Variants in ROBO1 observed in about 807,000 individuals in gnomAD.
The protein encoded by ROBO1 is roundabout guidance receptor 1, also known as roundabout homolog 1.
A neutral mutation model predicts 195.9 loss-of-function variants in ROBO1; 149 were observed. That is an observed-to-expected ratio of 0.76 (90% CI 0.67 to 0.87). The LOEUF is 0.87. Ranked by LOEUF, ROBO1 falls within the 40% of genes least tolerant of loss-of-function variation. The pLI, the probability that ROBO1 is intolerant of heterozygous loss-of-function variation, is 0.00. For missense variants in ROBO1, 1,933 were observed against 2,068.3 expected, an observed-to-expected ratio of 0.93 and a Z score of 1.27; for synonymous variants, 816 against 733.2, an observed-to-expected ratio of 1.11 and a Z score of -1.82.
chr3:79,557,985 A>G (rs1942774663), intron 2 of ROBO1, among the ~76,000 whole-genome samples: 3 of 151,976 alleles, frequency 2.0e-5, no homozygotes, highest in African/African-American at 7.3e-5. Flanking sequence ...GCCTCCAGTT[A>G]ATGTTTGTTT....
Position 78,741,826 on chromosome 3 carries a change from T to C in ROBO1, c.657+4917A>G, listed in dbSNP as rs187621907. 7.2e-5 allele frequency among the ~76,000 whole-genome samples: 11 copies of C among 152,278 alleles called. 1 individual carries two copies. The highest frequency in any genetic ancestry group is 6.5e-4 in the Admixed American group (10 of 15,298). On this transcript the variant is annotated intron_variant, in intron 5 of 30. Coordinates refer to ENST00000464233, the MANE Select transcript of ROBO1 (RefSeq NM_002941.4). ...TTCTGACTCTAAATATAAATACTAA[T>C]GTCTAGAAAAGAAAGAACACTAGAG...
intron 2 of ROBO1, among the ~76,000 whole-genome samples, chr3:79,451,622 G>T (rs777488589): frequency 6.6e-6 from 1 of 152,096 alleles, no homozygotes; most frequent in African/African-American, 2.4e-5. Context: ...CACTGCAGCT[G>T]TGTTTAGTTT....
rs3773228 is a variant in ROBO1, at chr3:78,688,242, G to A, written c.1170+406C>T. Among the ~76,000 whole-genome samples the A allele has an allele frequency of 9.8e-3, 1,496 of 152,222 alleles. 72 individuals are homozygous for A. The East Asian group carries it at 0.17, about 17-fold the overall frequency. On this transcript the variant is annotated intron_variant, in intron 9 of 30. Coordinates refer to ENST00000464233, the MANE Select transcript of ROBO1 (RefSeq NM_002941.4). ...GCTTAATGATTCAGAAGGCAATTTA[G>A]ACTCCTGAAGCTTTCAAAGAAATCA...
intron 2 of ROBO1, among the ~76,000 whole-genome samples, chr3:79,239,829 A>G (rs1329084238): frequency 6.6e-6 from 1 of 152,188 alleles, no homozygotes; most frequent in Non-Finnish European, 1.5e-5. Context: ...TATCTAATGT[A>G]TATGTAATTA....
chr3:79,479,084 T>C (rs1426245384), intron 2 of ROBO1, among the ~76,000 whole-genome samples: 2 of 152,208 alleles, frequency 1.3e-5, no homozygotes, highest in South Asian at 2.1e-4. Context: ...CTTTTTAGCA[T>C]AGGCTCTAAG....
intron 2 of ROBO1, among the ~76,000 whole-genome samples, chr3:79,291,081 A>G (rs1286330661): frequency 6.6e-6 from 1 of 152,168 alleles, no homozygotes; most frequent in Non-Finnish European, 1.5e-5. Context: ...AACTAAATTA[A>G]TGTCCTCAAT....
intron 4 of ROBO1, among the ~76,000 whole-genome samples, chr3:78,791,836 G>A (rs1022016154): frequency 2.6e-5 from 4 of 152,128 alleles, no homozygotes; most frequent in African/African-American, 9.7e-5. Context: ...GATAATCATC[G>A]ATATCCAGTG....
At chr3:79,753,146 C>A (rs1429883485) in intron 1 of ROBO1, among the ~76,000 whole-genome samples, 1 of 152,108 alleles carries the variant, frequency 6.6e-6, no homozygotes, top group East Asian at 1.9e-4. Flanking sequence ...TGAGTACCAT[C>A]AAAATATTTA....
intron 1 of ROBO1, among the ~76,000 whole-genome samples, chr3:79,593,857 T>G (rs1944079997): frequency 6.6e-6 from 1 of 152,028 alleles, no homozygotes. Flanking sequence ...GCACAAGGGA[T>G]CTGCCCGCTT....
intron 2 of ROBO1, among the ~76,000 whole-genome samples, chr3:79,331,939 G>A (rs932837004): frequency 6.6e-6 from 1 of 151,994 alleles, no homozygotes; most frequent in Admixed American, 6.6e-5. Context: ...TCAGGAGATC[G>A]AGACCATCCT....
chr3:79,281,966 C>A (rs866275686), intron 2 of ROBO1, among the ~76,000 whole-genome samples: 8 of 152,028 alleles, frequency 5.3e-5, no homozygotes, highest in African/African-American at 1.9e-4. Flanking sequence ...ATTATTTATT[C>A]AAAATGTATT....
chr3:79,750,140 A>T (rs1704068143), intron 1 of ROBO1, among the ~76,000 whole-genome samples: 1 of 152,238 alleles, frequency 6.6e-6, no homozygotes, highest in Non-Finnish European at 1.5e-5. Context: ...CATGGAGTCA[A>T]AGGAGATCAT....
At chr3:79,764,953 A>G (rs1704905319) in intron 1 of ROBO1, among the ~76,000 whole-genome samples, 1 of 152,162 alleles carries the variant, frequency 6.6e-6, no homozygotes, top group Admixed American at 6.5e-5. Context: ...CCCTCCTCCC[A>G]TGCTCAGCTC....
At chr3:79,606,685 T>C (rs2107895158) in intron 1 of ROBO1, among the ~76,000 whole-genome samples, 1 of 152,142 alleles carries the variant, frequency 6.6e-6, no homozygotes, top group Admixed American at 6.6e-5. Flanking sequence ...GACATATAAA[T>C]AGACCAGTGG....
At chr3:79,027,151 A>T (rs1576586882) in intron 3 of ROBO1, among the ~76,000 whole-genome samples, 1 of 152,094 alleles carries the variant, frequency 6.6e-6, no homozygotes, top group Non-Finnish European at 1.5e-5. Flanking sequence ...TTGGCATTTC[A>T]TCTAACTATC....
At chr3:79,041,221 G>A (rs374534062) in intron 3 of ROBO1, among the ~76,000 whole-genome samples, 3 of 152,100 alleles carry the variant, frequency 2.0e-5, no homozygotes, top group East Asian at 3.9e-4. Flanking sequence ...TATAGCACTC[G>A]TCATACTTCC....
chr3:79,512,195 T>C, intron 2 of ROBO1, among the ~76,000 whole-genome samples: 1 of 151,986 alleles, frequency 6.6e-6, no homozygotes, highest in African/African-American at 2.4e-5. Context: ...TCACATAGAA[T>C]TATTAAAAAG....
At chr3:78,788,040 C>T (rs901390498) in intron 4 of ROBO1, among the ~76,000 whole-genome samples, 5 of 150,098 alleles carry the variant, frequency 3.3e-5, no homozygotes, top group Admixed American at 1.3e-4. Flanking sequence ...CCCGGGTTGA[C>T]GCCATTCTCC....
intron 3 of ROBO1, among the ~76,000 whole-genome samples, chr3:79,097,600 A>G (rs547998128): frequency 1.8e-4 from 27 of 151,948 alleles, no homozygotes; most frequent in Admixed American, 3.9e-4. Flanking sequence ...GTTCAAAACT[A>G]CATTTCAGAG....
Sources: gnomAD v4.1 joint callset for allele counts (sites outside exome capture counted in the v4.1 genomes callset) on GRCh38, gnomAD v4.1.1 for gene constraint, MANE v1.5 for transcripts, NCBI Gene and HGNC (gene_info 2026-07-23, HGNC 2026-07-21) for gene names.